AGAP1: variants seen among roughly 807,000 people sequenced by gnomAD.
The protein encoded by AGAP1 is ArfGAP with GTPase domain, ankyrin repeat and PH domain 1.
A neutral mutation model predicts 105.3 loss-of-function variants in AGAP1; 29 were observed. That is an observed-to-expected ratio of 0.28 (90% CI 0.21 to 0.38). The LOEUF (loss-of-function observed/expected upper bound fraction) is 0.38. Ranked by LOEUF, AGAP1 falls within the 10% of genes least tolerant of loss-of-function variation. The probability of loss-of-function intolerance (pLI) is 1.00; values close to 1 mark genes in which losing one functional copy is unlikely to be tolerated. For synonymous variants in AGAP1, 509 were observed against 485.9 expected (o/e 1.05, Z -0.63); for missense variants, 998 against 1,165.1 (o/e 0.86, Z 2.09).
chr2:235,739,248 AC>A lies in AGAP1; in HGVS notation c.311-1713del, dbSNP rs143002977. Among the ~76,000 whole-genome samples the A allele has an allele frequency of 3.2e-4, 48 of 152,346 alleles. 1 individual carries two copies. The East Asian group carries it at 7.5e-3, about 24-fold the overall frequency. ...AGGCCAGTATCGGGGTCTGGGGGCG[AC>A]CGTCTGCAGCACCGTCACATACGTG... On this transcript the variant is annotated intron_variant, in intron 3 of 17. Coordinates refer to ENST00000304032, the MANE Select transcript of AGAP1 (RefSeq NM_001037131.3). The surrounding 1 kb of genome is among the most constrained non-coding windows in gnomAD (Gnocchi z 5.3).
At chr2:235,697,695 A>G (rs1451128326) in intron 1 of AGAP1, among the ~76,000 whole-genome samples, 3 of 152,214 alleles carry the variant, frequency 2.0e-5, no homozygotes. Flanking sequence ...ATTTGTGTCT[A>G]TTATTGAGCC....
intron 1 of AGAP1, chr2:235,671,000 GC>G (rs1204516938): frequency 6.8e-6 from 9 of 1,323,404 alleles, no homozygotes; most frequent in South Asian, 4.2e-5. Context: ...CCTGCGGCGG[GC>G]CCCGGCCGAA....
At chr2:235,722,004 G>A (rs901505193) in intron 3 of AGAP1, among the ~76,000 whole-genome samples, 1 of 152,222 alleles carries the variant, frequency 6.6e-6, no homozygotes, top group Non-Finnish European at 1.5e-5. Flanking sequence ...TAAAGATGCA[G>A]TTCAAATGAG....
chr2:236,060,827 T>C (rs1282119856), intron 16 of AGAP1, among the ~76,000 whole-genome samples: 1 of 152,230 alleles, frequency 6.6e-6, no homozygotes, highest in Non-Finnish European at 1.5e-5. Context: ...GTGGGGAGGC[T>C]GAGGCAGGAG....
intron 1 of AGAP1, among the ~76,000 whole-genome samples, chr2:235,678,072 C>T (rs1415226726): frequency 2.6e-5 from 4 of 151,060 alleles, no homozygotes; most frequent in African/African-American, 7.3e-5. Context: ...CGGGCGCAGT[C>T]GCTTATGGTG....
rs2054866172 is a variant in AGAP1, at chr2:235,976,527, T to G, written c.1645+7904T>G. On this transcript the variant is annotated intron_variant, in intron 13 of 17. Transcript: ENST00000304032. This position sits in a 1 kb window ranked among gnomAD's most constrained non-coding sequence, Gnocchi z 4.5. ...GCACAGAAGGATGTTTGTAGTGTGG[T>G]TTTTGTTTGTTTGTTTGTTTTAATT... Among the ~76,000 whole-genome samples, 1 of 152,174 alleles carries G rather than the reference T, an allele frequency of 6.6e-6. No homozygotes were observed. The highest frequency in any genetic ancestry group is 1.5e-5 in the Non-Finnish European group (1 of 68,020).
At position 235,908,874 on chromosome 2, in the gene AGAP1, A is replaced by G. The variant is rs2051436393; in HGVS notation, c.1292A>G (p.Asp431Gly). ...CCTAAAACCAATGGCCTATCCAAGG[A>G]CATGAGCAGTTTACACATCTCACCC... ...SSPKTNGLSK[D>G]MSSLHISPNS... Residue 431 changes from aspartate to glycine, a missense_variant, in exon 11 of 18, where the codon GAC becomes GGC. Physicochemically the swap from Asp to Gly is moderately conservative, Grantham distance 94 (BLOSUM62 -1). Around this residue, in one of 3 missense-constraint regions of AGAP1, gnomAD observed 735 missense variants for 833.4 expected, o/e 0.88. Coordinates refer to ENST00000304032, the MANE Select transcript of AGAP1 (RefSeq NM_001037131.3). This position sits in a 1 kb window ranked among gnomAD's most constrained non-coding sequence, Gnocchi z 4.4. The G allele has an allele frequency of 6.2e-7, 1 of 1,613,958 alleles. No individual in the cohort carries two copies.
chr2:235,572,998 TTC>T lies in AGAP1; in HGVS notation c.163+78151_163+78152del, dbSNP rs1439268108. The stretch of plus-strand genomic sequence containing the variant: ...TTTTTTCTTCTTCTTCTTCTTCTTC[TTC>T]TTCTTCTTCTTCTTCTTCTTCTTCT... On this transcript the variant is annotated intron_variant, in intron 1 of 17. Transcript: ENST00000304032. 2.0e-3 allele frequency among the ~76,000 whole-genome samples: 45 copies of T among 22,968 alleles called. 2 individuals carry two copies. The highest frequency in any genetic ancestry group is 8.5e-3 in the African/African-American group (40 of 4,700). 15.1% of individuals were successfully genotyped at this position (22,968 alleles called of 152,430 possible). A position where few individuals can be genotyped will look rare whatever the true frequency, so the allele number is the denominator to read the frequency against.
At position 235,642,979 on chromosome 2, in the gene AGAP1, G is replaced by A. The variant is rs1325407543; in HGVS notation, c.164-66200G>A. On this transcript the variant is annotated intron_variant, in intron 1 of 17. Transcript: ENST00000304032. The surrounding 1 kb of genome is among the most constrained non-coding windows in gnomAD (Gnocchi z 4.1). ...AAGGTACCGAACGGTGGAGGTGACT[G>A]TAGGATTAGCCCCGGCTTTGCAGCA... Among the ~76,000 whole-genome samples the A allele has an allele frequency of 6.6e-6, 1 of 152,180 alleles. No homozygotes were observed. The highest frequency in any genetic ancestry group is 2.4e-5 in the African/African-American group (1 of 41,436).
intron 1 of AGAP1, among the ~76,000 whole-genome samples, chr2:235,603,895 A>AGGTTGGTTGACG (rs952923570): frequency 1.3e-5 from 2 of 152,154 alleles, no homozygotes; most frequent in African/African-American, 4.8e-5. Flanking sequence ...TGCGTCCATC[A>AGGTTGGTTGACG]GGTTGGTTGA....
At chr2:236,011,165 G>A (rs377559799) in intron 13 of AGAP1, among the ~76,000 whole-genome samples, 7 of 152,306 alleles carry the variant, frequency 4.6e-5, no homozygotes, top group South Asian at 2.1e-4. Context: ...TGTGATACCC[G>A]CATGTAGCAC....
rs1946003517 is a variant in AGAP1, at chr2:235,608,013, A to T, written c.164-101166A>T. On this transcript the variant is annotated intron_variant, in intron 1 of 17. Coordinates refer to ENST00000304032, the MANE Select transcript of AGAP1 (RefSeq NM_001037131.3). The surrounding 1 kb of genome is among the most constrained non-coding windows in gnomAD (Gnocchi z 5.4). ...AGTGAGCGAGTGCCTGCTGTCTCAG[A>T]CATGAGGTGGATGCTGAAGAGATTA... Among the ~76,000 whole-genome samples, 1 of 152,206 alleles carries T rather than the reference A, an allele frequency of 6.6e-6. No homozygotes were observed. Among genetic ancestry groups the T allele is most frequent in the East Asian group, 1.9e-4 (1 of 5,194 alleles).
At chr2:235,943,129 C>T (rs1055369586) in intron 12 of AGAP1, among the ~76,000 whole-genome samples, 1 of 152,094 alleles carries the variant, frequency 6.6e-6, no homozygotes, top group Non-Finnish European at 1.5e-5. Flanking sequence ...ACTTTTTTTC[C>T]ACATGACTTT....
At chr2:235,629,280 G>A (rs894287473) in intron 1 of AGAP1, among the ~76,000 whole-genome samples, 21 of 47,522 alleles carry the variant, frequency 4.4e-4, no homozygotes, top group Non-Finnish European at 1.0e-3. Flanking sequence ...GTGTGTGTGT[G>A]TGTGTGTGTG....
Position 235,977,763 on chromosome 2 carries a change from A to G in AGAP1, c.1645+9140A>G, listed in dbSNP as rs909984332. Among the ~76,000 whole-genome samples the G allele has an allele frequency of 2.0e-5, 3 of 152,220 alleles. No individual in the cohort carries two copies. Among genetic ancestry groups the G allele is most frequent in the African/African-American group, 7.2e-5 (3 of 41,466 alleles). On this transcript the variant is annotated intron_variant, in intron 13 of 17. Transcript: ENST00000304032. This position sits in a 1 kb window ranked among gnomAD's most constrained non-coding sequence, Gnocchi z 5.2. ...CTAAAGATGTAAAACAAAAGGGGATATTGACTAATGCAAAACTTAGTCTGT... is the reference window on the plus strand; with the variant it reads ...CTAAAGATGTAAAACAAAAGGGGATGTTGACTAATGCAAAACTTAGTCTGT...
At chr2:235,603,108 G>A (rs1020540418) in intron 1 of AGAP1, among the ~76,000 whole-genome samples, 7 of 152,160 alleles carry the variant, frequency 4.6e-5, no homozygotes, top group Non-Finnish European at 1.0e-4. Context: ...GACCCAGTGG[G>A]GGATAATTGA....
At chr2:235,794,598 A>G (rs1418905562) in intron 6 of AGAP1, among the ~76,000 whole-genome samples, 1 of 152,066 alleles carries the variant, frequency 6.6e-6, no homozygotes, top group Non-Finnish European at 1.5e-5. Context: ...CAGCCTCCCA[A>G]GTAGTTGGGA....
rs1354922935 is a variant in AGAP1 at position 236,042,766 on chromosome 2, C to T, written c.1891+1925C>T. ...GAGGTGTGGGCCAGTTTGTTCTGAG[C>T]AAGACCACCTGAGCAGATGGACAGG... On this transcript the variant is annotated intron_variant, in intron 15 of 17. Transcript: ENST00000304032. The surrounding 1 kb of genome is among the most constrained non-coding windows in gnomAD (Gnocchi z 5.6). 6.6e-6 allele frequency among the ~76,000 whole-genome samples: 1 copy of T among 152,082 alleles called. No individual in the cohort carries two copies. The highest frequency in any genetic ancestry group is 6.5e-5 in the Admixed American group (1 of 15,276).
intron 1 of AGAP1, among the ~76,000 whole-genome samples, chr2:235,594,289 G>T (rs58128866): frequency 0.14 from 21,389 of 148,374 alleles, 1,730 homozygotes; most frequent in South Asian, 0.3. Context: ...GCATTCTGGG[G>T]TTTTTTTTTT....
Sources: gnomAD v4.1 joint callset for allele counts (sites outside exome capture counted in the v4.1 genomes callset) on GRCh38, gnomAD v4.1.1 for gene constraint, gnomAD v4.1.1 regional missense constraint, Gnocchi (gnomAD v3.1) non-coding constraint, MANE v1.5 for transcripts, NCBI Gene and HGNC (gene_info 2026-07-23, HGNC 2026-07-21) for gene names.